Variants in CTNNA3 observed in about 807,000 individuals in gnomAD.
The protein encoded by CTNNA3 is catenin alpha 3, also known as catenin alpha-3.
In CTNNA3, 76 loss-of-function variants were observed where a neutral mutation model predicts 95.7. That is an observed-to-expected ratio of 0.79 (90% CI 0.66 to 0.96). The LOEUF is 0.96. Ranked by LOEUF, CTNNA3 falls within the 40% of genes least tolerant of loss-of-function variation. The pLI is 0.00. For missense variants in CTNNA3, 1,191 were observed against 1,089.8 expected (o/e 1.09, Z -1.31); for synonymous variants, 431 against 374.4 (o/e 1.15, Z -1.74).
rs1463515011 is a variant in CTNNA3, at chr10:67,751,093, T to C, written c.-2+12341A>G. 5 of 1,422,402 alleles carry C rather than the reference T, an allele frequency of 3.5e-6. No individual in the cohort carries two copies. In the South Asian group the frequency reaches 4.6e-5, roughly 13 times the overall value. 88.1% of individuals were successfully genotyped at this position (1,422,402 alleles called of 1,614,324 possible). Reference sequence around the variant, plus strand: ...AAGTCTGTGACACCAGCACGCATTGTTGAGAACATTCAGGCCTTTGACTTT... The same window carrying C: ...AAGTCTGTGACACCAGCACGCATTGCTGAGAACATTCAGGCCTTTGACTTT... On this transcript the variant is annotated intron_variant, in intron 1 of 17. Coordinates refer to the CTNNA3 transcript ENST00000684154.
At chr10:65,982,710 T>C (rs2078345714) in intron 16 of CTNNA3, among the ~76,000 whole-genome samples, 1 of 148,194 alleles carries the variant, frequency 6.7e-6, no homozygotes, top group South Asian at 2.1e-4. Flanking sequence ...TGTGTGTGTG[T>C]GTATATATAT....
intron 7 of CTNNA3, among the ~76,000 whole-genome samples, chr10:66,985,028 C>A (rs1449755702): frequency 1.3e-5 from 2 of 152,120 alleles, no homozygotes. Context: ...TACAAACATA[C>A]AGAGCTCATC....
At chr10:66,195,451 T>C (rs1041226475) in intron 13 of CTNNA3, among the ~76,000 whole-genome samples, 8 of 151,746 alleles carry the variant, frequency 5.3e-5, no homozygotes, top group African/African-American at 1.9e-4. Flanking sequence ...ATGAATATTA[T>C]TGCAGACTAA....
chr10:67,098,005 T>C (rs895987573), intron 7 of CTNNA3: 2 of 570,982 alleles, frequency 3.5e-6, no homozygotes, highest in Non-Finnish European at 6.2e-6. Flanking sequence ...TTGTGCAGTA[T>C]TTTTTGACTT....
intron 7 of CTNNA3, among the ~76,000 whole-genome samples, chr10:66,979,941 T>C (rs10740263): frequency 0.94 from 143,767 of 152,224 alleles, 68,364 homozygotes; most frequent in East Asian, 1. Context: ...CCTCAAGTAC[T>C]GTTGGAACAC....
chr10:66,273,060 T>A (rs2091315534), intron 13 of CTNNA3, among the ~76,000 whole-genome samples: 1 of 152,206 alleles, frequency 6.6e-6, no homozygotes, highest in African/African-American at 2.4e-5. Context: ...GATAGAAGAT[T>A]CATTCTTACT....
intron 11 of CTNNA3, among the ~76,000 whole-genome samples, chr10:66,432,114 A>C (rs2093301923): frequency 6.6e-6 from 1 of 152,176 alleles, no homozygotes; most frequent in Admixed American, 6.5e-5. Flanking sequence ...TACTTTATTG[A>C]AGTATGGTAT....
chr10:66,918,278 G>A (rs1846596855), intron 7 of CTNNA3, among the ~76,000 whole-genome samples: 1 of 152,154 alleles, frequency 6.6e-6, no homozygotes, highest in Non-Finnish European at 1.5e-5. Flanking sequence ...CAGAAATCCT[G>A]GTGATATGAA....
chr10:66,672,301 T>C (rs1289586906), intron 9 of CTNNA3, among the ~76,000 whole-genome samples: 4 of 152,114 alleles, frequency 2.6e-5, no homozygotes, highest in South Asian at 2.1e-4. Flanking sequence ...GAAGAAGATA[T>C]AAAGAGCTGA....
chr10:67,570,381 C>T (rs1386142893), intron 3 of CTNNA3, among the ~76,000 whole-genome samples: 2 of 151,924 alleles, frequency 1.3e-5, no homozygotes, highest in Non-Finnish European at 2.9e-5. Context: ...ATATTGACAA[C>T]TTTTAGTTCT....
chr10:67,721,478 C>T (rs1209150779), intron 1 of CTNNA3, among the ~76,000 whole-genome samples: 2 of 152,026 alleles, frequency 1.3e-5, no homozygotes, highest in East Asian at 1.9e-4. Context: ...TGCTTCACAA[C>T]GTTCTCGTGC....
At chr10:66,336,946 T>G (rs1319882320) in intron 12 of CTNNA3, among the ~76,000 whole-genome samples, 3 of 152,084 alleles carry the variant, frequency 2.0e-5, no homozygotes, top group Non-Finnish European at 1.5e-5. Flanking sequence ...ACTGTGGATT[T>G]TTTTCCAGAG....
intron 6 of CTNNA3, among the ~76,000 whole-genome samples, chr10:67,204,896 C>T (rs1863821865): frequency 6.6e-6 from 1 of 152,072 alleles, no homozygotes; most frequent in Non-Finnish European, 1.5e-5. Flanking sequence ...GTAGACTGTC[C>T]TCAGAAATGT....
At chr10:67,672,574 G>T (rs144770555) in intron 1 of CTNNA3, among the ~76,000 whole-genome samples, 1 of 151,804 alleles carries the variant, frequency 6.6e-6, no homozygotes, top group Non-Finnish European at 1.5e-5. Flanking sequence ...AGCTTTCTAC[G>T]TAGGGCTAGC....
At chr10:66,603,171 C>T (rs924525500) in intron 10 of CTNNA3, among the ~76,000 whole-genome samples, 21 of 151,950 alleles carry the variant, frequency 1.4e-4, no homozygotes, top group African/African-American at 4.4e-4. Flanking sequence ...TTGTATATAG[C>T]GTGATTTTAT....
In CTNNA3 at chr10:66,876,222, G is replaced by T. The variant is rs575041258; in HGVS notation, c.1048-100698C>A. Among the ~76,000 whole-genome samples the T allele has an allele frequency of 2.0e-5, 3 of 152,188 alleles. No individual in the cohort carries two copies. The South Asian group carries it at 6.2e-4, about 32-fold the overall frequency. ...TCTAAGAATTCCGCTCTGAAAACTT[G>T]TCGGAAAAGAAAAGCAACAACAACA... On this transcript the variant is annotated intron_variant, in intron 7 of 17. Coordinates refer to ENST00000433211, the MANE Select transcript of CTNNA3 (RefSeq NM_013266.4).
chr10:65,981,583 C>T (rs1326086237), intron 16 of CTNNA3, among the ~76,000 whole-genome samples: 1 of 151,984 alleles, frequency 6.6e-6, no homozygotes, highest in Non-Finnish European at 1.5e-5. Flanking sequence ...CATCACATTA[C>T]TTGACTTCAA....
intron 7 of CTNNA3, among the ~76,000 whole-genome samples, chr10:67,037,580 T>G (rs1417006212): frequency 6.6e-6 from 1 of 152,084 alleles, no homozygotes; most frequent in African/African-American, 2.4e-5. Context: ...GAAGTATGAC[T>G]GGATGCAAGG....
At chr10:66,118,860 C>T (rs746021955) in intron 13 of CTNNA3, among the ~76,000 whole-genome samples, 4 of 152,074 alleles carry the variant, frequency 2.6e-5, no homozygotes, top group Middle Eastern at 3.4e-3. Flanking sequence ...TTGAATTAAC[C>T]GCAATGACTG....
Sources: gnomAD v4.1 joint callset for allele counts (sites outside exome capture counted in the v4.1 genomes callset) on GRCh38, gnomAD v4.1.1 for gene constraint, MANE v1.5 for transcripts, NCBI Gene and HGNC (gene_info 2026-07-23, HGNC 2026-07-21) for gene names.